Variants in IRAG2 observed in about 807,000 individuals in gnomAD.
The protein encoded by IRAG2 is lymphoid restricted membrane protein.
IRAG2 carries 45 observed loss-of-function variants against 69.9 expected under a neutral mutation model. The ratio of observed to expected loss-of-function variants is 0.64; its 90% CI spans 0.51 to 0.83. IRAG2 has a LOEUF of 0.83. Ranked by LOEUF, IRAG2 falls within the 40% of genes least tolerant of loss-of-function variation. The pLI, the probability that IRAG2 is intolerant of heterozygous loss-of-function variation, is 0.00. For missense variants in IRAG2, 520 were observed against 587.0 expected, an observed-to-expected ratio of 0.89 and a Z score of 1.18; for synonymous variants, 193 against 202.4, an observed-to-expected ratio of 0.95 and a Z score of 0.40.
intron 6 of IRAG2, among the ~76,000 whole-genome samples, chr12:25,077,220 A>AATATATATATGAAATATATATGAT (rs10627418): frequency 2.7e-5 from 1 of 36,712 alleles, no homozygotes; most frequent in East Asian, 1.9e-3. Flanking sequence ...ATATATATGA[A>AATATATATATGAAATATATATGAT]ATATATATGA....
At chr12:25,077,209 G>GATATATATATGAAATATATGAT (rs376784693) in intron 6 of IRAG2, among the ~76,000 whole-genome samples, 44 of 33,712 alleles carry the variant, frequency 1.3e-3, no homozygotes, top group African/African-American at 3.5e-3. Context: ...ATATATATAT[G>GATATATATATGAAATATATGAT]ATATATATGA....
chr12:25,038,260 A>G (rs1944717483), intron 16 of IRAG2: 5 of 394,112 alleles, frequency 1.3e-5, no homozygotes, highest in Non-Finnish European at 2.2e-5. Flanking sequence ...TACTTTTTTC[A>G]GAGAAGATAT....
chr12:25,060,567 G>A (rs1945554209), intron 1 of IRAG2, among the ~76,000 whole-genome samples: 1 of 151,886 alleles, frequency 6.6e-6, no homozygotes, highest in African/African-American at 2.4e-5. Context: ...AGGATTCTGG[G>A]ATCCTAGGGC....
chr12:25,007,217 T>C (rs1403435889), intron 2 of IRAG2, among the ~76,000 whole-genome samples: 4 of 152,236 alleles, frequency 2.6e-5, no homozygotes, highest in African/African-American at 9.6e-5. Flanking sequence ...ATCGCAGAGA[T>C]CATAGTATTT....
At position 25,077,266 on chromosome 12, in the gene IRAG2, A is replaced by AATATATATATG. The variant is rs57883311; in HGVS notation, c.25-1970_25-1969insATGATATATAT. Among the ~76,000 whole-genome samples the AATATATATATG allele has an allele frequency of 4.0e-3, 133 of 32,848 alleles. 19 individuals carry two copies. The highest frequency in any genetic ancestry group is 0.012 in the African/African-American group (123 of 10,082). The allele number at this position is 32,848 out of a possible 152,430, so 21.5% of individuals were successfully genotyped here. On this transcript the variant is annotated intron_variant, in intron 6 of 21. Transcript: ENST00000556887. ...AAATATATATATGATATATATATGA[A>AATATATATATG]ATATATATGAAATATATATGATATA...
intron 9 of IRAG2, among the ~76,000 whole-genome samples, chr12:25,082,609 A>AC (rs113560793): frequency 0.73 from 109,437 of 150,606 alleles, 40,333 homozygotes; most frequent in East Asian, 0.88. Flanking sequence ...CAAAAAAAAA[A>AC]CAAAAAACAA....
chr12:25,082,423 A>C (rs928510951), intron 9 of IRAG2, among the ~76,000 whole-genome samples: 4 of 151,788 alleles, frequency 2.6e-5, no homozygotes, highest in South Asian at 2.1e-4. Flanking sequence ...ACATAGTGAA[A>C]CCCCGTCTCT....
chr12:25,009,930 C>T (rs556311346), intron 2 of IRAG2, among the ~76,000 whole-genome samples: 1 of 152,190 alleles, frequency 6.6e-6, no homozygotes, highest in Non-Finnish European at 1.5e-5. Flanking sequence ...GGCCCACCTG[C>T]ACTAGATGGA....
intron 6 of IRAG2, among the ~76,000 whole-genome samples, chr12:25,071,831 A>G (rs1338856417): frequency 6.9e-6 from 1 of 145,558 alleles, no homozygotes; most frequent in Non-Finnish European, 1.5e-5. Flanking sequence ...ACTGCCTTTT[A>G]TATCTAAAAG....
intron 3 of IRAG2, among the ~76,000 whole-genome samples, chr12:25,013,212 C>T (rs113187722): frequency 3.9e-5 from 6 of 152,184 alleles, no homozygotes; most frequent in African/African-American, 7.2e-5. Context: ...GGTGGTGGCT[C>T]GTGCCTGTAA....
rs573221671 is a variant in IRAG2 at position 25,037,063 on chromosome 12, G to T, written c.1980+377G>T. Among the ~76,000 whole-genome samples, 7 of 152,210 alleles carry T rather than the reference G, an allele frequency of 4.6e-5. No homozygotes were observed. The South Asian group carries it at 1.5e-3, about 32-fold the overall frequency. ...GAATCTTATTCCTGAGACTTTGACG[G>T]TTTTACTATCTCAGGAACTTGCAGA... On this transcript the variant is annotated intron_variant, in intron 15 of 38. Coordinates refer to the IRAG2 transcript ENST00000636465.
chr12:25,086,811 G>A (rs1947636596), intron 10 of IRAG2, among the ~76,000 whole-genome samples: 1 of 152,122 alleles, frequency 6.6e-6, no homozygotes, highest in Non-Finnish European at 1.5e-5. Flanking sequence ...GTTGATAGCT[G>A]GTGAGAACAC....
the IRAG2 span, among the ~76,000 whole-genome samples, chr12:24,998,179 T>C: frequency 7.9e-5 from 12 of 152,210 alleles, 1 homozygote; most frequent in South Asian, 4.1e-4. Flanking sequence ...TGTGTCACTC[T>C]GCTATTTTAG....
intron 1 of IRAG2, chr12:25,005,238 T>C: frequency 8.3e-7 from 1 of 1,208,416 alleles, no homozygotes; most frequent in Non-Finnish European, 1.0e-6. Flanking sequence ...TTTCTTCTAA[T>C]AGGATGGAAA....
At chr12:25,066,658 T>G (rs1179832486) in intron 5 of IRAG2, 146 bp downstream of exon 5, 2 of 392,992 alleles carry the variant, frequency 5.1e-6, no homozygotes, top group African/African-American at 4.1e-5. Context: ...TTACAATTTC[T>G]TTCTTTCTTT....
At chr12:25,080,414 T>G (rs1036246354) in intron 9 of IRAG2, among the ~76,000 whole-genome samples, 5 of 151,242 alleles carry the variant, frequency 3.3e-5, no homozygotes, top group African/African-American at 1.2e-4. Context: ...TGCAGTGGCA[T>G]GATCTCAGCT....
intron 1 of IRAG2, among the ~76,000 whole-genome samples, chr12:25,054,920 C>G (rs924261992): frequency 2.0e-5 from 3 of 152,180 alleles, no homozygotes; most frequent in African/African-American, 4.8e-5. Flanking sequence ...CTGCAGTTAT[C>G]ACACAAACAC....
intron 6 of IRAG2, among the ~76,000 whole-genome samples, chr12:25,017,865 C>T (rs1439925557): frequency 6.6e-6 from 1 of 152,138 alleles, no homozygotes; most frequent in East Asian, 1.9e-4. Context: ...CTTCTTAGAC[C>T]CTGGAAACCT....
chr12:25,015,315 GA>G, intron 4 of IRAG2: 1 of 1,230,806 alleles, frequency 8.1e-7, no homozygotes. Context: ...TGTAGAAAAT[GA>G]TTTTTTTTCA....
Sources: allele counts gnomAD v4.1 joint callset (sites outside exome capture counted in the v4.1 genomes callset), GRCh38; gene constraint gnomAD v4.1.1; transcripts MANE v1.5; gene names NCBI Gene and HGNC (gene_info 2026-07-23, HGNC 2026-07-21).